PTPRD: variants seen among roughly 807,000 people sequenced by gnomAD.
PTPRD encodes receptor-type tyrosine-protein phosphatase delta.
PTPRD carries 34 observed loss-of-function variants against 214.5 expected under a neutral mutation model. The observed-to-expected ratio is 0.16, with a 90% CI of 0.12 to 0.21. PTPRD has a LOEUF of 0.21. Ranked by LOEUF, PTPRD falls within the 10% of genes least tolerant of loss-of-function variation. The pLI is 1.00. For synonymous variants in PTPRD, 1,128 were observed against 845.7 expected, an observed-to-expected ratio of 1.33 and a Z score of -5.79; for missense variants, 2,545 against 2,398.7, an observed-to-expected ratio of 1.06 and a Z score of -1.27.
At chr9:10,333,995 T>C (rs2096797634) in intron 3 of PTPRD, among the ~76,000 whole-genome samples, 1 of 151,818 alleles carries the variant, frequency 6.6e-6, no homozygotes, top group Admixed American at 6.6e-5. Flanking sequence ...CTCATTTTTC[T>C]TCTTAACATA....
chr9:10,610,702 T>C (rs544781832), intron 2 of PTPRD, among the ~76,000 whole-genome samples: 42 of 152,226 alleles, frequency 2.8e-4, no homozygotes, highest in Admixed American at 2.6e-3. Context: ...GGATAAGAAA[T>C]TAAATAATAA....
At chr9:9,327,817 A>G (rs555956900) in intron 9 of PTPRD, among the ~76,000 whole-genome samples, 1 of 152,094 alleles carries the variant, frequency 6.6e-6, no homozygotes, top group South Asian at 2.1e-4. Context: ...CGGGTGTCCA[A>G]TCTTTTGGCT....
rs137862529 is a variant in PTPRD at position 9,304,403 on chromosome 9, G to C, written c.-203+93046C>G. On this transcript the variant is annotated intron_variant, in intron 9 of 45. Transcript: ENST00000381196. ...ATTCCCATTTGGATGTTTCCTTAGAGTTCTTTTTTAATCTTTGTGCATTTG... is the reference window on the plus strand; with the variant it reads ...ATTCCCATTTGGATGTTTCCTTAGACTTCTTTTTTAATCTTTGTGCATTTG... Among the ~76,000 whole-genome samples, 802 of 152,136 alleles carry C rather than the reference G, an allele frequency of 5.3e-3. 5 individuals carry two copies. The highest frequency in any genetic ancestry group is 0.018 in the African/African-American group (765 of 41,546).
intron 5 of PTPRD, among the ~76,000 whole-genome samples, chr9:9,776,261 C>G (rs2098798021): frequency 6.6e-6 from 1 of 152,190 alleles, no homozygotes; most frequent in South Asian, 2.1e-4. Flanking sequence ...ATCTAAAACT[C>G]TACTGAGGCT....
intron 2 of PTPRD, among the ~76,000 whole-genome samples, chr9:10,549,025 G>A (rs1026503901): frequency 2.6e-5 from 4 of 152,108 alleles, no homozygotes; most frequent in Non-Finnish European, 4.4e-5. Context: ...AGACAATTAT[G>A]GCAAGTTTAA....
intron 11 of PTPRD, among the ~76,000 whole-genome samples, chr9:8,974,849 C>T (rs144348835): frequency 6.6e-6 from 1 of 151,958 alleles, no homozygotes; most frequent in Non-Finnish European, 1.5e-5. Context: ...TTAATCCCAG[C>T]ACTTTGGGAG....
At chr9:9,394,072 A>C (rs946798389) in intron 9 of PTPRD, among the ~76,000 whole-genome samples, 9 of 152,148 alleles carry the variant, frequency 5.9e-5, no homozygotes, top group African/African-American at 2.2e-4. Flanking sequence ...TTTTTAAACC[A>C]TACATACACA....
At chr9:10,387,915 C>T (rs2097956107) in intron 2 of PTPRD, among the ~76,000 whole-genome samples, 1 of 143,568 alleles carries the variant, frequency 7.0e-6, no homozygotes. Flanking sequence ...CCTGCCTCGG[C>T]CTCCCAAAGT....
chr9:10,440,513 T>C (rs2098751599), intron 2 of PTPRD, among the ~76,000 whole-genome samples: 1 of 151,378 alleles, frequency 6.6e-6, no homozygotes, highest in South Asian at 2.1e-4. Flanking sequence ...GATAAATGGA[T>C]AAGAAAAAGG....
At chr9:10,170,856 G>T (rs1206269382) in intron 3 of PTPRD, among the ~76,000 whole-genome samples, 1 of 152,054 alleles carries the variant, frequency 6.6e-6, no homozygotes, top group Non-Finnish European at 1.5e-5. Context: ...TTATGGATGG[G>T]TAAACATTCA....
At chr9:10,562,309 T>C (rs894776874) in intron 2 of PTPRD, among the ~76,000 whole-genome samples, 4 of 151,098 alleles carry the variant, frequency 2.6e-5, no homozygotes, top group Non-Finnish European at 4.4e-5. Context: ...TTTCTTATAA[T>C]GTAATGAAAT....
intron 11 of PTPRD, among the ~76,000 whole-genome samples, chr9:9,015,621 T>C (rs1342331125): frequency 6.6e-6 from 1 of 152,196 alleles, no homozygotes; most frequent in African/African-American, 2.4e-5. Context: ...CACTTTACTC[T>C]ATGGACTTGC....
chr9:9,052,314 T>G, intron 10 of PTPRD, among the ~76,000 whole-genome samples: 1 of 152,128 alleles, frequency 6.6e-6, no homozygotes, highest in East Asian at 1.9e-4. Context: ...ATATATGAAT[T>G]TGGGGAACAT....
chr9:10,187,680 C>A (rs1347719803), intron 3 of PTPRD, among the ~76,000 whole-genome samples: 1 of 152,178 alleles, frequency 6.6e-6, no homozygotes, highest in Non-Finnish European at 1.5e-5. Context: ...CCCTGGGGGG[C>A]GGAACCAGGT....
intron 5 of PTPRD, among the ~76,000 whole-genome samples, chr9:9,772,535 G>T (rs567388242): frequency 6.7e-6 from 1 of 149,872 alleles, no homozygotes; most frequent in Non-Finnish European, 1.5e-5. Context: ...GGTTTCAAAG[G>T]GTTGTCCATC....
At chr9:8,552,092 C>T (rs145606884) in intron 14 of PTPRD, among the ~76,000 whole-genome samples, 329 of 152,220 alleles carry the variant, frequency 2.2e-3, no homozygotes, top group Non-Finnish European at 3.6e-3. Flanking sequence ...AGGCCTGTGA[C>T]CATCACCTTG....
intron 2 of PTPRD, among the ~76,000 whole-genome samples, chr9:10,461,738 T>C (rs896758977): frequency 2.0e-4 from 30 of 152,168 alleles, no homozygotes; most frequent in African/African-American, 7.2e-4. Context: ...TTCTCCTGTT[T>C]CAGCCTCCTG....
At chr9:9,331,823 T>G (rs914017940) in intron 9 of PTPRD, among the ~76,000 whole-genome samples, 4 of 152,020 alleles carry the variant, frequency 2.6e-5, no homozygotes, top group Non-Finnish European at 5.9e-5. Context: ...GGGGCTGTTT[T>G]GGGGCTTGGG....
chr9:8,910,020 AATTT>A (rs1357767144), intron 11 of PTPRD, among the ~76,000 whole-genome samples: 1 of 151,558 alleles, frequency 6.6e-6, no homozygotes, highest in Admixed American at 6.6e-5. Flanking sequence ...CTTATGTAGA[AATTT>A]ATTTATTTAT....
Sources: gnomAD v4.1 joint callset for allele counts (sites outside exome capture counted in the v4.1 genomes callset) on GRCh38, gnomAD v4.1.1 for gene constraint, MANE v1.5 for transcripts, NCBI Gene and HGNC (gene_info 2026-07-23, HGNC 2026-07-21) for gene names.